The following OTOA variants were observed in gnomAD, a reference collection of about 807,000 sequenced individuals.
OTOA encodes the protein otoancorin.
A neutral mutation model predicts 110.8 loss-of-function variants in OTOA; 70 were observed. That is an observed-to-expected ratio of 0.63 (90% confidence interval 0.52 to 0.77). OTOA has a LOEUF of 0.77. Ranked by LOEUF, OTOA falls within the 30% of genes least tolerant of loss-of-function variation. The pLI is 0.00. For synonymous variants in OTOA, 373 were observed against 431.5 expected, an observed-to-expected ratio of 0.86 and a Z score of 1.68; for missense variants, 917 against 1,075.8, an observed-to-expected ratio of 0.85 and a Z score of 2.06.
intron 19 of OTOA, among the ~76,000 whole-genome samples, chr16:21,727,512 G>A (rs1161021395): frequency 1.3e-5 from 2 of 152,152 alleles, no homozygotes; most frequent in African/African-American, 4.8e-5. Flanking sequence ...CAGATACTCA[G>A]GACGGTGCCC....
intron 6 of OTOA, among the ~76,000 whole-genome samples, chr16:21,682,211 G>A (rs1966904244): frequency 6.6e-6 from 1 of 152,146 alleles, no homozygotes; most frequent in South Asian, 2.1e-4. Flanking sequence ...TTTTTGCTTT[G>A]TCATCTCCTG....
intron 8 of OTOA, 150 bp from the exon 9 acceptor site, chr16:21,691,434 A>T: frequency 1.5e-6 from 1 of 670,258 alleles, no homozygotes; most frequent in East Asian, 2.8e-5. Flanking sequence ...TCCAACCAAC[A>T]GTGTAAAAGC....
chr16:21,732,564 A>G (rs2141725889), intron 21 of OTOA, among the ~76,000 whole-genome samples: 1 of 152,246 alleles, frequency 6.6e-6, no homozygotes, highest in South Asian at 2.1e-4. Context: ...TAGCTCCCAC[A>G]TATCAGTGAG....
chr16:21,728,228 T>A lies in OTOA; in HGVS notation c.2017-13T>A. ...TGTTGGAACTGCCCATTGGCTCCAC[T>A]TTTTGGGTTCAGGACGACTCCATTG... is the stretch of plus-strand genomic sequence containing the variant. On this transcript the variant is annotated splice_polypyrimidine_tract_variant and intron_variant, in intron 19 of 28. Coordinates refer to ENST00000646100, the MANE Select transcript of OTOA (RefSeq NM_144672.4). 1 of 1,614,006 alleles carries A rather than the reference T, an allele frequency of 6.2e-7. No individual in the cohort carries two copies. Among genetic ancestry groups the A allele is most frequent in the East Asian group, 2.2e-5 (1 of 44,866 alleles).
intron 11 of OTOA, among the ~76,000 whole-genome samples, chr16:21,703,770 G>A (rs776406827): frequency 6.6e-6 from 1 of 152,132 alleles, no homozygotes; most frequent in African/African-American, 2.4e-5. Context: ...TGGTCAACTA[G>A]GTAGTCTTCA....
intron 11 of OTOA, among the ~76,000 whole-genome samples, chr16:21,701,452 C>T (rs559612177): frequency 9.3e-4 from 142 of 152,154 alleles, no homozygotes; most frequent in African/African-American, 3.3e-3. Flanking sequence ...CTGGGGAGCC[C>T]CTGGATGAGA....
intron 15 of OTOA, 144 bp from the exon 16 acceptor site, chr16:21,718,989 G>C: frequency 1.2e-6 from 1 of 804,080 alleles, no homozygotes; most frequent in Non-Finnish European, 2.1e-6. Flanking sequence ...CAATGGTCTA[G>C]TCCTAGGTAA....
At chr16:21,737,289 A>C (rs1899342681) in intron 22 of OTOA, among the ~76,000 whole-genome samples, 1 of 152,050 alleles carries the variant, frequency 6.6e-6, no homozygotes, top group South Asian at 2.1e-4. Context: ...TAGTGGCATG[A>C]TCTCGGCCCA....
intron 5 of OTOA, among the ~76,000 whole-genome samples, chr16:21,680,184 T>TATCC (rs60446298): frequency 0.43 from 64,869 of 150,010 alleles, 14,487 homozygotes; most frequent in African/African-American, 0.54. Context: ...TTTATTAATT[T>TATCC]ATCCATCCAT....
intron 17 of OTOA, chr16:21,721,363 G>C (rs1007151661): frequency 4.4e-6 from 2 of 455,382 alleles, no homozygotes; most frequent in African/African-American, 4.0e-5. Context: ...TGCCCTCTTA[G>C]GGGACTTTTG....
At chr16:21,678,452 GTGTA>G (rs767514215) in intron 1 of OTOA, 55 bp from the exon 2 acceptor site, 18 of 993,132 alleles carry the variant, frequency 1.8e-5, no homozygotes, top group Non-Finnish European at 2.2e-5. Context: ...ATGTGTGTGT[GTGTA>G]TATATATATA....
Position 21,692,789 on chromosome 16 carries a change from G to A in OTOA, c.739+1102G>A, listed in dbSNP as rs532508632. ...TAAAAATACAAAAAATTAGCCTGGCGTGGTGGTTCATGTCTGTAATCCCAG... is the reference window on the plus strand; with the variant it reads ...TAAAAATACAAAAAATTAGCCTGGCATGGTGGTTCATGTCTGTAATCCCAG... On this transcript the variant is annotated intron_variant, in intron 9 of 28. Coordinates refer to ENST00000646100, the MANE Select transcript of OTOA (RefSeq NM_144672.4). Among the ~76,000 whole-genome samples, 7 of 151,100 alleles carry A rather than the reference G, an allele frequency of 4.6e-5. No individual in the cohort carries two copies. The East Asian group carries it at 7.9e-4, about 17-fold the overall frequency.
At chr16:21,715,246 G>T (rs1898517283) in intron 14 of OTOA, 94 bp downstream of exon 14, 1 of 1,539,472 alleles carries the variant, frequency 6.5e-7, no homozygotes, top group South Asian at 1.1e-5. Context: ...ATGAACCCAG[G>T]GCTGGGATTG....
chr16:21,735,982 TTAAG>T (rs1899282301), intron 21 of OTOA, among the ~76,000 whole-genome samples: 1 of 152,226 alleles, frequency 6.6e-6, no homozygotes, highest in African/African-American at 2.4e-5. Context: ...GTGCCCAGCA[TTAAG>T]TATTAGCACT....
intron 18 of OTOA, among the ~76,000 whole-genome samples, chr16:21,725,843 A>G (rs1042748056): frequency 5.9e-5 from 9 of 152,128 alleles, no homozygotes; most frequent in Non-Finnish European, 1.5e-5. Flanking sequence ...CTGAGGAAAA[A>G]TATTTTGAGT....
In OTOA at chr16:21,725,692, G is replaced by A. The variant is rs570029981; in HGVS notation, c.1881-831G>A. 4.6e-5 allele frequency among the ~76,000 whole-genome samples: 7 copies of A among 152,318 alleles called. No individual in the cohort carries two copies. In the East Asian group the frequency reaches 9.6e-4, roughly 21 times the overall value. ...TAGAGGCGGAAGAACATGTTTGGGG[G>A]AAGACGTTGTATCTGGTTTTGGAAC... On this transcript the variant is annotated intron_variant, in intron 18 of 28. Transcript: ENST00000646100.
Position 21,728,113 on chromosome 16 carries a change from C to G in OTOA, c.2017-128C>G. The G allele has an allele frequency of 4.3e-6, 5 of 1,160,428 alleles. No homozygotes were observed. The Admixed American group carries it at 9.3e-5, about 22-fold the overall frequency. 71.9% of individuals were successfully genotyped at this position (1,160,428 alleles called of 1,614,324 possible). On this transcript the variant is annotated intron_variant, in intron 19 of 28. Transcript: ENST00000646100. ...CTCCTGGCCTCAAATGATCTGTCTG[C>G]CTCGGCCTCCCAGAGTGCTGGGATT...
intron 20 of OTOA, 57 bp from the exon 21 acceptor site, chr16:21,730,780 C>T: frequency 1.1e-6 from 1 of 934,290 alleles, no homozygotes; most frequent in Non-Finnish European, 1.7e-6. Context: ...GGGGAAAAGG[C>T]AACAGATGTC....
At chr16:21,667,304 A>C (rs1966842121) in intron 1 of OTOA, among the ~76,000 whole-genome samples, 1 of 152,234 alleles carries the variant, frequency 6.6e-6, no homozygotes, top group Admixed American at 6.5e-5. Flanking sequence ...CCTTGGGGGA[A>C]AAATAATCCA....
Sources: allele counts gnomAD v4.1 joint callset (sites outside exome capture counted in the v4.1 genomes callset), GRCh38; gene constraint gnomAD v4.1.1; transcripts MANE v1.5; gene names NCBI Gene and HGNC (gene_info 2026-07-23, HGNC 2026-07-21).